Variants in CCNF observed in about 807,000 individuals in gnomAD.
The protein encoded by CCNF is cyclin F.
In CCNF, 30 loss-of-function variants were observed where a neutral mutation model predicts 85.4. The ratio of observed to expected loss-of-function variants is 0.35; its 90% CI spans 0.26 to 0.48. The LOEUF (loss-of-function observed/expected upper bound fraction) is 0.48. CCNF is among the 20% of genes least tolerant of loss of function. CCNF has a pLI of 0.99. For missense variants in CCNF, 919 were observed against 1,010.4 expected (o/e 0.91, Z 1.23); for synonymous variants, 439 against 425.1 (o/e 1.03, Z -0.40).
Position 2,455,487 on chromosome 16 carries a change from G to A in CCNF, c.1808G>A (p.Ser603Asn), listed in dbSNP as rs1282355532. 1 of 1,606,858 alleles carries A rather than the reference G, an allele frequency of 6.2e-7. No homozygotes were observed. Among genetic ancestry groups the A allele is most frequent in the Non-Finnish European group, 8.5e-7 (1 of 1,174,434 alleles). The change falls in exon 16 of 17, where the codon AGC becomes AAC. Residue 603 changes from serine (S) to asparagine (N), a missense_variant. Transcript: ENST00000397066. ...LSSQEETLLG[S>N]FLDWSLDCCS... ...AGCCAGGAGGAGACGCTGCTGGGCAGCTTCCTCGACTGGAGCCTGGACTGC... is the reference window on the plus strand; with the variant it reads ...AGCCAGGAGGAGACGCTGCTGGGCAACTTCCTCGACTGGAGCCTGGACTGC...
chr16:2,434,710 C>T (rs1218337472), intron 3 of CCNF, among the ~76,000 whole-genome samples: 6 of 152,302 alleles, frequency 3.9e-5, no homozygotes, highest in Middle Eastern at 6.8e-3. Context: ...AACTTTAGAA[C>T]GTTCTCCTTA....
chr16:2,444,892 T>C (rs945024996), intron 9 of CCNF, among the ~76,000 whole-genome samples: 3 of 123,714 alleles, frequency 2.4e-5, no homozygotes, highest in African/African-American at 6.9e-5. Flanking sequence ...ACAGAACACA[T>C]TGAACATCTT....
chr16:2,457,649 C>T lies in CCNF; in HGVS notation c.*629C>T, dbSNP rs532155074. 2.0e-5 allele frequency: 3 copies of T among 152,426 alleles called. No individual in the cohort carries two copies. The highest frequency in any genetic ancestry group is 2.1e-4 in the South Asian group (1 of 4,834). The allele number at this position is 152,426 out of a possible 1,614,324, so 9.4% of individuals were successfully genotyped here. On this transcript the variant is annotated 3_prime_UTR_variant, in exon 17 of 17. Transcript: ENST00000397066. ...TCGTTTTAGAGCTCTGTCCCAGAGGCGTTCGTATGTGACCCACAGATGGCG... is the reference window on the plus strand; with the variant it reads ...TCGTTTTAGAGCTCTGTCCCAGAGGTGTTCGTATGTGACCCACAGATGGCG...
rs771206972 is a variant in CCNF at position 2,432,949 on chromosome 16, G to C, written c.172-12G>C. On this transcript the variant is annotated splice_polypyrimidine_tract_variant and intron_variant, in intron 2 of 16. Coordinates refer to ENST00000397066, the MANE Select transcript of CCNF (RefSeq NM_001761.3). ...CCTCCATCACCCAGCCCCGGCCCCC[G>C]TTGTTCTGCAGGTACACTCCCAGCT... 2 of 1,564,828 alleles carry C rather than the reference G, an allele frequency of 1.3e-6. No individual in the cohort carries two copies. The highest frequency in any genetic ancestry group is 1.8e-6 in the Non-Finnish European group (2 of 1,138,546).
Position 2,456,442 on chromosome 16 carries a change from G to T in CCNF, c.1886-103G>T. On this transcript the variant is annotated intron_variant, in intron 16 of 16. Transcript: ENST00000397066. This position sits in a 1 kb window ranked among gnomAD's most constrained non-coding sequence, Gnocchi z 4.5. Reference sequence around the variant, plus strand: ...AGGGTAACACAGGGGACCGTAGCAAGGTAGAAGATTCTTGACCTGGACTTC... The same window carrying T: ...AGGGTAACACAGGGGACCGTAGCAATGTAGAAGATTCTTGACCTGGACTTC... 1 of 746,500 alleles carries T rather than the reference G, an allele frequency of 1.3e-6. No individual in the cohort carries two copies. 46.2% of individuals were successfully genotyped at this position (746,500 alleles called of 1,614,324 possible).
chr16:2,443,177 T>A (rs1281349181), intron 8 of CCNF, among the ~76,000 whole-genome samples: 1 of 10,454 alleles, frequency 9.6e-5, no homozygotes, highest in East Asian at 7.5e-3. Context: ...AATATATATA[T>A]AATATATAAT....
In CCNF at chr16:2,456,408, C is replaced by T. The variant is rs905103319; in HGVS notation, c.1886-137C>T. 1.8e-6 allele frequency: 1 copy of T among 545,162 alleles called. No homozygotes were observed. Among genetic ancestry groups the T allele is most frequent in the Non-Finnish European group, 3.1e-6 (1 of 323,510 alleles). 33.8% of individuals were successfully genotyped at this position (545,162 alleles called of 1,614,324 possible). On this transcript the variant is annotated intron_variant, in intron 16 of 16. Coordinates refer to ENST00000397066, the MANE Select transcript of CCNF (RefSeq NM_001761.3). This position sits in a 1 kb window ranked among gnomAD's most constrained non-coding sequence, Gnocchi z 4.5. ...GAAGAGGCATGTCACCCACGCTTCT[C>T]ACCACAGGAGGGTAACACAGGGGAC...
intron 9 of CCNF, among the ~76,000 whole-genome samples, chr16:2,444,835 G>T (rs538046634): frequency 2.0e-5 from 3 of 151,492 alleles, no homozygotes; most frequent in Non-Finnish European, 2.9e-5. Context: ...GGGCTCAAGC[G>T]AACCTCCTGC....
chr16:2,435,222 G>A (rs371914315), intron 3 of CCNF, among the ~76,000 whole-genome samples: 1 of 143,446 alleles, frequency 7.0e-6, no homozygotes, highest in Admixed American at 7.3e-5. Context: ...CTGCACTCCA[G>A]CCTGGGCAAC....
intron 13 of CCNF, among the ~76,000 whole-genome samples, chr16:2,450,908 A>G (rs772431415): frequency 6.6e-6 from 1 of 152,200 alleles, no homozygotes; most frequent in Non-Finnish European, 1.5e-5. Flanking sequence ...GGATAGAGCT[A>G]TCCTCTGTCT....
Position 2,451,221 on chromosome 16 carries a change from GGCGCGCGGGGCAGGTGGC to G in CCNF, c.1487+1310_1487+1327del. The stretch of plus-strand genomic sequence containing the variant: ...GTCGTGACGAGAGAAACAGCAGGCA[GGCGCGCGGGGCAGGTGGC>G]GCGGGCGGGGGCGACTCCCTTCAGG... On this transcript the variant is annotated intron_variant, in intron 13 of 16. Transcript: ENST00000397066. This position sits in a 1 kb window ranked among gnomAD's most constrained non-coding sequence, Gnocchi z 4.3. 6.6e-6 allele frequency among the ~76,000 whole-genome samples: 1 copy of G among 152,342 alleles called. No homozygotes were observed. Among genetic ancestry groups the G allele is most frequent in the South Asian group, 2.1e-4 (1 of 4,832 alleles).
chr16:2,449,204 C>T (rs760005983), intron 11 of CCNF, 78 bp from the exon 12 acceptor site: 19 of 1,544,234 alleles, frequency 1.2e-5, no homozygotes, highest in Non-Finnish European at 1.6e-5. Context: ...GGGCCAGACC[C>T]TGCGCTGGGC....
At chr16:2,449,759 G>A in intron 12 of CCNF, 69 bp from the exon 13 acceptor site, 1 of 835,244 alleles carries the variant, frequency 1.2e-6, no homozygotes, top group Non-Finnish European at 1.9e-6. Flanking sequence ...TGTCACCACA[G>A]CCCCTCCGTC....
chr16:2,453,633 G>T lies in CCNF; in HGVS notation c.1715+96G>T. The T allele has an allele frequency of 6.7e-7, 1 of 1,493,960 alleles. No homozygotes were observed. The highest frequency in any genetic ancestry group is 1.4e-5 in the African/African-American group (1 of 72,848). The allele number at this position is 1,493,960 out of a possible 1,614,324, so 92.5% of individuals were successfully genotyped here. On this transcript the variant is annotated intron_variant, in intron 15 of 16. Coordinates refer to ENST00000397066, the MANE Select transcript of CCNF (RefSeq NM_001761.3). The surrounding 1 kb of genome is among the most constrained non-coding windows in gnomAD (Gnocchi z 5.6). ...CTTCCTCACACAGAGAGGCCCCCAAGGCTTGTCAGGGGAGCAGCAGATCCC... is the reference window on the plus strand; with the variant it reads ...CTTCCTCACACAGAGAGGCCCCCAATGCTTGTCAGGGGAGCAGCAGATCCC...
chr16:2,431,045 CTT>C, intron 1 of CCNF, 83 bp from the exon 2 acceptor site: 1 of 1,388,400 alleles, frequency 7.2e-7, no homozygotes, highest in Non-Finnish European at 1.0e-6. Flanking sequence ...TCAGATGTAA[CTT>C]TTATCCTTTT....
chr16:2,432,985 G>A lies in CCNF; in HGVS notation c.196G>A (p.Val66Met). Residue 66 changes from valine (V) to methionine (M), a missense_variant, in exon 3 of 17, where the codon GTG (valine) becomes ATG (methionine). By Grantham distance (21) the Val-to-Met change is conservative. This residue lies in a region of CCNF where 410 missense variants were observed against 478.6 expected (regional missense o/e 0.86). Transcript: ENST00000397066. ...GGTACACTCCCAGCTGAAGGACCTG[G>A]TGGACAACCACGCCAGTGTGTGGGC... ...RAVHSQLKDLVDNHASVWACA... is the reference protein window; with the variant it reads ...RAVHSQLKDLMDNHASVWACA... 3 of 1,609,084 alleles carry A rather than the reference G, an allele frequency of 1.9e-6. No individual in the cohort carries two copies. Among genetic ancestry groups the A allele is most frequent in the South Asian group, 2.2e-5 (2 of 90,818 alleles).
intron 8 of CCNF, among the ~76,000 whole-genome samples, chr16:2,440,481 G>T (rs2065315189): frequency 6.6e-6 from 1 of 152,122 alleles, no homozygotes; most frequent in Non-Finnish European, 1.5e-5. Flanking sequence ...GCTGGGCGTG[G>T]TGGCAGGCAC....
chr16:2,455,437 T>G lies in CCNF; in HGVS notation c.1758T>G (p.Val586=). ...NSLQEDRGSF[V]TTPTAELSSQ... ...TCCAGGAAGACAGAGGCAGCTTCGT[T>G]ACCACCCCCACTGCGGAGCTGTCCA... The change falls in exon 16 of 17, where the codon GTT becomes GTG. Residue 586 remains valine (V), a synonymous_variant. Transcript: ENST00000397066. 6.3e-7 allele frequency: 1 copy of G among 1,593,440 alleles called. No homozygotes were observed.
rs1349732386 is a variant in CCNF at position 2,457,866 on chromosome 16, C to G, written c.*846C>G. On this transcript the variant is annotated 3_prime_UTR_variant, in exon 17 of 17. Coordinates refer to ENST00000397066, the MANE Select transcript of CCNF (RefSeq NM_001761.3). ...TCTTACTCCAGCCCCTCAATGCCATCCTGACACACTTTATGCAAAAAGAAT... is the reference window on the plus strand; with the variant it reads ...TCTTACTCCAGCCCCTCAATGCCATGCTGACACACTTTATGCAAAAAGAAT... 6.6e-5 allele frequency: 10 copies of G among 152,256 alleles called. No homozygotes were observed. The allele number at this position is 152,256 out of a possible 1,614,324, so 9.4% of individuals were successfully genotyped here.
Sources: gnomAD v4.1 joint callset for allele counts (sites outside exome capture counted in the v4.1 genomes callset) on GRCh38, gnomAD v4.1.1 for gene constraint, gnomAD v4.1.1 regional missense constraint, Gnocchi (gnomAD v3.1) non-coding constraint, MANE v1.5 for transcripts, NCBI Gene and HGNC (gene_info 2026-07-23, HGNC 2026-07-21) for gene names.